Variants in KDM1B observed in about 807,000 individuals in gnomAD.
The protein encoded by KDM1B is lysine demethylase 1B.
KDM1B carries 63 observed loss-of-function variants against 107.4 expected under a neutral mutation model. The ratio of observed to expected loss-of-function variants is 0.59; its 90% CI spans 0.48 to 0.72. The LOEUF (loss-of-function observed/expected upper bound fraction) is 0.72, where lower values mean the gene tolerates loss of function less well. KDM1B is among the 30% of genes least tolerant of loss of function. The pLI, the probability that KDM1B is intolerant of heterozygous loss-of-function variation, is 0.00. For synonymous variants in KDM1B, 363 were observed against 363.9 expected (o/e 1.00, Z 0.03); for missense variants, 749 against 1,020.8 (o/e 0.73, Z 3.63).
At chr6:18,207,249 C>A (rs1045538526) in intron 15 of KDM1B, 149 bp from the exon 16 acceptor site, 1 of 662,556 alleles carries the variant, frequency 1.5e-6, no homozygotes, top group South Asian at 2.3e-5. Context: ...AGATTTCCTC[C>A]CCCAGTGGTG....
chr6:18,160,067 T>C, intron 3 of KDM1B, 85 bp downstream of exon 3: 2 of 867,380 alleles, frequency 2.3e-6, no homozygotes, highest in East Asian at 2.6e-5. Flanking sequence ...TTGAAAAGAT[T>C]ACTCCAGCCC....
rs1457776626 is a variant in KDM1B at position 18,205,344 on chromosome 6, A to G, written c.1532-193A>G. Among the ~76,000 whole-genome samples the G allele has an allele frequency of 1.3e-5, 2 of 151,950 alleles. No individual in the cohort carries two copies. Among genetic ancestry groups the G allele is most frequent in the East Asian group, 3.9e-4 (2 of 5,194 alleles). ...TTAAAGTATAATAATAATAAAATTA[A>G]AAAAAAAGATAAACTTTCTCTTCCT... On this transcript the variant is annotated intron_variant, in intron 14 of 21. Coordinates refer to ENST00000650836, the MANE Select transcript of KDM1B (RefSeq NM_001364614.2). This position sits in a 1 kb window ranked among gnomAD's most constrained non-coding sequence, Gnocchi z 5.7.
At chr6:18,184,941 G>T (rs1244811990) in intron 7 of KDM1B, among the ~76,000 whole-genome samples, 1 of 151,630 alleles carries the variant, frequency 6.6e-6, no homozygotes, top group African/African-American at 2.4e-5. Context: ...TGTTACCCAG[G>T]TTGGTGTTGA....
intron 3 of KDM1B, 88 bp downstream of exon 3, chr6:18,160,070 T>C: frequency 2.4e-6 from 2 of 841,544 alleles, no homozygotes; most frequent in Non-Finnish European, 3.7e-6. Flanking sequence ...AAAAGATTAC[T>C]CCAGCCCTCA....
At chr6:18,221,300 A>C (rs1200207178) in intron 21 of KDM1B, among the ~76,000 whole-genome samples, 1 of 151,966 alleles carries the variant, frequency 6.6e-6, no homozygotes, top group Non-Finnish European at 1.5e-5. Context: ...CCTTGTCATA[A>C]TTACTTAATC....
chr6:18,171,618 T>A, intron 7 of KDM1B, 139 bp downstream of exon 7: 1 of 643,388 alleles, frequency 1.6e-6, no homozygotes, highest in Non-Finnish European at 2.8e-6. Flanking sequence ...ACCCCAACTA[T>A]AATGGCTTAA....
chr6:18,203,577 G>A lies in KDM1B; in HGVS notation c.1531+1920G>A, dbSNP rs1010729053. The stretch of plus-strand genomic sequence containing the variant: ...TTACATAAAAATCACACTGTGCTGG[G>A]CGCGGTGGCTAACGCCTGTAATCTC... On this transcript the variant is annotated intron_variant, in intron 14 of 21. Transcript: ENST00000650836. This position sits in a 1 kb window ranked among gnomAD's most constrained non-coding sequence, Gnocchi z 5.5. 4.6e-5 allele frequency among the ~76,000 whole-genome samples: 7 copies of A among 152,148 alleles called. No individual in the cohort carries two copies. The highest frequency in any genetic ancestry group is 1.3e-4 in the Admixed American group (2 of 15,276).
intron 12 of KDM1B, among the ~76,000 whole-genome samples, chr6:18,199,024 A>AG (rs1429984600): frequency 4.7e-5 from 7 of 148,782 alleles, no homozygotes; most frequent in African/African-American, 1.5e-4. Context: ...AAAAAAAAAA[A>AG]AAAAAAAAAG....
Position 18,159,946 on chromosome 6 carries a change from T to A in KDM1B, c.51T>A (p.Ser17=). ...RTKKKASFDH[S]PDSLPLRSSG... is the part of the protein sequence containing the mutation. Reference sequence around the variant, plus strand: ...AGAAAAAAGCATCTTTTGATCATTCTCCGGATAGCCTTCCTTTGAGGAGCT... The same window carrying A: ...AGAAAAAAGCATCTTTTGATCATTCACCGGATAGCCTTCCTTTGAGGAGCT... The change falls in exon 3 of 22, where the codon TCT becomes TCA. Residue 17 remains serine, a synonymous_variant. Coordinates refer to ENST00000650836, the MANE Select transcript of KDM1B (RefSeq NM_001364614.2). This position sits in a 1 kb window ranked among gnomAD's most constrained non-coding sequence, Gnocchi z 4.5. 2 of 1,610,286 alleles carry A rather than the reference T, an allele frequency of 1.2e-6. No individual in the cohort carries two copies. Among genetic ancestry groups the A allele is most frequent in the Non-Finnish European group, 1.7e-6 (2 of 1,178,708 alleles).
At position 18,197,880 on chromosome 6, in the gene KDM1B, T is replaced by C. The variant is rs966586150; in HGVS notation, c.1221+219T>C. On this transcript the variant is annotated intron_variant, in intron 12 of 21. Coordinates refer to ENST00000650836, the MANE Select transcript of KDM1B (RefSeq NM_001364614.2). The surrounding 1 kb of genome is among the most constrained non-coding windows in gnomAD (Gnocchi z 4.5). ...CTTTGGAGATAATTTTAGACTCTAA[T>C]GAGCAAGTCAGAAGAAATTCTAACT... Among the ~76,000 whole-genome samples, 3 of 151,724 alleles carry C rather than the reference T, an allele frequency of 2.0e-5. No individual in the cohort carries two copies. The highest frequency in any genetic ancestry group is 4.4e-5 in the Non-Finnish European group (3 of 67,968).
At chr6:18,180,500 A>T (rs1344754842) in intron 7 of KDM1B, among the ~76,000 whole-genome samples, 1 of 152,114 alleles carries the variant, frequency 6.6e-6, no homozygotes, top group African/African-American at 2.4e-5. Flanking sequence ...TTTTCAGACA[A>T]TTTTTTAAGA....
chr6:18,191,056 G>C lies in KDM1B; in HGVS notation c.785-141G>C. On this transcript the variant is annotated intron_variant, in intron 9 of 21. Transcript: ENST00000650836. The surrounding 1 kb of genome is among the most constrained non-coding windows in gnomAD (Gnocchi z 5.1). Reference sequence around the variant, plus strand: ...TAATTTATGTACGTTTTGTCTAACTGGGTGGAGGAAGCAAAGGTATTTATG... The same window carrying C: ...TAATTTATGTACGTTTTGTCTAACTCGGTGGAGGAAGCAAAGGTATTTATG... The C allele has an allele frequency of 3.5e-6, 2 of 575,234 alleles. No homozygotes were observed. The highest frequency in any genetic ancestry group is 2.9e-5 in the South Asian group (1 of 33,956). The allele number at this position is 575,234 out of a possible 1,614,324, so 35.6% of individuals were successfully genotyped here.
At chr6:18,185,222 C>A (rs9477658) in intron 7 of KDM1B, among the ~76,000 whole-genome samples, 1 of 151,766 alleles carries the variant, frequency 6.6e-6, no homozygotes, top group Non-Finnish European at 1.5e-5. Context: ...ATTTTGTCAC[C>A]GCCCTTCGTG....
Position 18,214,914 on chromosome 6 carries a change from A to G in KDM1B, c.2110-93A>G. Reference sequence around the variant, plus strand: ...GACAGAGCAAAACTCTGTCTCATTTAAAACAAAACAAAACAAAAAACAAAA... The same window carrying G: ...GACAGAGCAAAACTCTGTCTCATTTGAAACAAAACAAAACAAAAAACAAAA... On this transcript the variant is annotated intron_variant, in intron 19 of 21. Transcript: ENST00000650836. The surrounding 1 kb of genome is among the most constrained non-coding windows in gnomAD (Gnocchi z 4.4). 3 of 1,316,304 alleles carry G rather than the reference A, an allele frequency of 2.3e-6. No homozygotes were observed. Among genetic ancestry groups the G allele is most frequent in the Non-Finnish European group, 3.1e-6 (3 of 973,036 alleles). 81.5% of individuals were successfully genotyped at this position (1,316,304 alleles called of 1,614,324 possible).
rs1007258914 is a variant in KDM1B, at chr6:18,223,400, A to G, written c.*1408A>G. ...AACAAGCCAACAGCTGTATATCTCA[A>G]AAGTTAACCCAAGACAACTCTGATA... On this transcript the variant is annotated 3_prime_UTR_variant, in exon 22 of 22. Transcript: ENST00000650836. The G allele has an allele frequency of 1.5e-5, 2 of 135,408 alleles. No individual in the cohort carries two copies. The highest frequency in any genetic ancestry group is 3.1e-5 in the Non-Finnish European group (2 of 64,862). The allele number at this position is 135,408 out of a possible 1,614,324, so 8.4% of individuals were successfully genotyped here. A position where few individuals can be genotyped will look rare whatever the true frequency, so the allele number is the denominator to read the frequency against.
At chr6:18,163,066 T>A in intron 5 of KDM1B, 142 bp downstream of exon 5, 1 of 603,518 alleles carries the variant, frequency 1.7e-6, no homozygotes, top group South Asian at 2.0e-5. Flanking sequence ...GACTGTAACT[T>A]GGACGAGAAC....
rs1333086321 is a variant in KDM1B at position 18,172,377 on chromosome 6, T to C, written c.534+898T>C. 1.3e-5 allele frequency among the ~76,000 whole-genome samples: 2 copies of C among 152,204 alleles called. No individual in the cohort carries two copies. The highest frequency in any genetic ancestry group is 6.5e-5 in the Admixed American group (1 of 15,278). ...TAGAAATTGAGATAAAATTCACATA[T>C]TATAAAATTCACCCTTTTAAAGCAT... On this transcript the variant is annotated intron_variant, in intron 7 of 21. Transcript: ENST00000650836. This position sits in a 1 kb window ranked among gnomAD's most constrained non-coding sequence, Gnocchi z 5.2.
intron 2 of KDM1B, among the ~76,000 whole-genome samples, chr6:18,157,677 G>T (rs1188883705): frequency 1.2e-4 from 17 of 140,520 alleles, no homozygotes; most frequent in African/African-American, 4.0e-4. Flanking sequence ...TAAATGAAGA[G>T]ATTTGTATAT....
chr6:18,168,420 A>G (rs958101434), intron 6 of KDM1B, among the ~76,000 whole-genome samples: 1 of 152,196 alleles, frequency 6.6e-6, no homozygotes, highest in Non-Finnish European at 1.5e-5. Context: ...ATTCATATCC[A>G]TTGTAGGATG....
Sources: gnomAD v4.1 joint callset for allele counts (sites outside exome capture counted in the v4.1 genomes callset) on GRCh38, gnomAD v4.1.1 for gene constraint, Gnocchi (gnomAD v3.1) non-coding constraint, MANE v1.5 for transcripts, NCBI Gene and HGNC (gene_info 2026-07-23, HGNC 2026-07-21) for gene names.